The following ADAMTS2 variants were observed in gnomAD, a reference collection of about 807,000 sequenced individuals.
ADAMTS2 encodes ADAM metallopeptidase with thrombospondin type 1 motif 2.
ADAMTS2 carries 50 observed loss-of-function variants against 123.0 expected under a neutral mutation model. That is an observed-to-expected ratio of 0.41 (90% CI 0.32 to 0.51). ADAMTS2 has a LOEUF of 0.51. Ranked by LOEUF, ADAMTS2 falls within the 20% of genes least tolerant of loss-of-function variation. ADAMTS2 has a pLI of 0.35. For synonymous variants in ADAMTS2, 678 were observed against 695.4 expected (o/e 0.98, Z 0.39); for missense variants, 1,494 against 1,705.2 (o/e 0.88, Z 2.18).
At chr5:179,161,881 T>C (rs1480510039) in intron 5 of ADAMTS2, among the ~76,000 whole-genome samples, 3 of 152,174 alleles carry the variant, frequency 2.0e-5, no homozygotes, top group Non-Finnish European at 2.9e-5. Context: ...CTTTTTAACA[T>C]ACATTTTTTA....
At chr5:179,168,760 A>G (rs1763760750) in intron 5 of ADAMTS2, among the ~76,000 whole-genome samples, 1 of 152,114 alleles carries the variant, frequency 6.6e-6, no homozygotes, top group Admixed American at 6.6e-5. Flanking sequence ...CTGTGAGCAC[A>G]TGTTCTACCG....
chr5:179,286,106 C>T (rs539570127), intron 2 of ADAMTS2, among the ~76,000 whole-genome samples: 7 of 149,740 alleles, frequency 4.7e-5, no homozygotes, highest in East Asian at 2.0e-4. Context: ...CCCAGCTACT[C>T]GGGAGGCTGA....
intron 2 of ADAMTS2, among the ~76,000 whole-genome samples, chr5:179,289,590 G>A (rs1756129241): frequency 1.3e-5 from 2 of 152,044 alleles, no homozygotes; most frequent in Admixed American, 1.3e-4. Flanking sequence ...CATCGCAATG[G>A]GAAAAAAGAG....
chr5:179,207,169 T>C (rs567065192), intron 4 of ADAMTS2, among the ~76,000 whole-genome samples: 2 of 152,316 alleles, frequency 1.3e-5, no homozygotes, highest in African/African-American at 4.8e-5. Flanking sequence ...GATTTTAGTT[T>C]TAAAAGTGGC....
chr5:179,344,539 G>A (rs550013824), intron 1 of ADAMTS2, among the ~76,000 whole-genome samples: 1 of 152,228 alleles, frequency 6.6e-6, no homozygotes, highest in African/African-American at 2.4e-5. Flanking sequence ...GGAGCTGCTC[G>A]GAAGCCATTC....
chr5:179,134,850 G>A (rs1270116415), intron 13 of ADAMTS2, among the ~76,000 whole-genome samples: 22 of 63,470 alleles, frequency 3.5e-4, no homozygotes, highest in African/African-American at 8.2e-4. Context: ...CCAGCTCCCG[G>A]CTCCAGCTCC....
chr5:179,137,685 C>G lies in ADAMTS2; in HGVS notation c.1951+84G>C, dbSNP rs942854452. ...AGGGTCGCGGCAGCCTTGCCCCATG[C>G]AGGATCAGAGGCACAAGCCCCCACC... is the stretch of plus-strand genomic sequence containing the variant. On this transcript the variant is annotated intron_variant, in intron 12 of 21. Transcript: ENST00000251582. 83 of 1,511,994 alleles carry G rather than the reference C, an allele frequency of 5.5e-5. No individual in the cohort carries two copies. In the Admixed American group the frequency reaches 1.6e-3, roughly 29 times the overall value. 93.7% of individuals were successfully genotyped at this position (1,511,994 alleles called of 1,614,324 possible). A position where few individuals can be genotyped will look rare whatever the true frequency, so the allele number is the denominator to read the frequency against.
rs774623037 is a variant in ADAMTS2 at position 179,137,848 on chromosome 5, C to T, written c.1872G>A (p.Glu624=). The change falls in exon 12 of 22, where the codon GAG becomes GAA. Residue 624 remains glutamate, a synonymous_variant. Transcript: ENST00000251582. ...ACAGGTCCCACTGGCGGCACTGCTC[C>T]TCGCGGAAGTCAGCCAGGGAGTCGG... ...DCPDSLADFR[E]EQCRQWDLYF... The T allele has an allele frequency of 9.6e-6, 15 of 1,567,994 alleles. No homozygotes were observed. The African/African-American group carries it at 2.0e-4, about 21-fold the overall frequency.
chr5:179,154,111 C>T lies in ADAMTS2; in HGVS notation c.1320G>A (p.Gln440=). ...RLGSIMAPLV[Q]AAFHRFHWSR... The stretch of plus-strand genomic sequence containing the variant: ...ACCAGTGGAAGCGGTGGAAGGCGGC[C>T]TGCACCAGGGGCGCCATGATGCTGC... The change falls in exon 8 of 22, where the codon CAG becomes CAA. Residue 440 remains glutamine, a synonymous_variant. Coordinates refer to ENST00000251582, the MANE Select transcript of ADAMTS2 (RefSeq NM_014244.5). 1 of 1,599,874 alleles carries T rather than the reference C, an allele frequency of 6.3e-7. No individual in the cohort carries two copies. Among genetic ancestry groups the T allele is most frequent in the Non-Finnish European group, 8.5e-7 (1 of 1,177,312 alleles).
rs1208165700 is a variant in ADAMTS2 at position 179,338,716 on chromosome 5, G to T, written c.534+5051C>A. Among the ~76,000 whole-genome samples, 3 of 152,234 alleles carry T rather than the reference G, an allele frequency of 2.0e-5. No homozygotes were observed. The East Asian group carries it at 5.8e-4, about 29-fold the overall frequency. On this transcript the variant is annotated intron_variant, in intron 2 of 21. Coordinates refer to ENST00000251582, the MANE Select transcript of ADAMTS2 (RefSeq NM_014244.5). ...TTAAGAGCAGTAAGAACCACTGAGAGGTCTTAAGTGAAGGCGTGACATGAG... is the reference window on the plus strand; with the variant it reads ...TTAAGAGCAGTAAGAACCACTGAGATGTCTTAAGTGAAGGCGTGACATGAG...
At chr5:179,201,270 T>C (rs775715348) in intron 4 of ADAMTS2, among the ~76,000 whole-genome samples, 40 of 152,222 alleles carry the variant, frequency 2.6e-4, no homozygotes, top group Non-Finnish European at 5.1e-4. Flanking sequence ...GCACGAGCGA[T>C]AGATTCAACT....
Position 179,235,996 on chromosome 5 carries a change from G to T in ADAMTS2, c.689-28281C>A, listed in dbSNP as rs531961526. The stretch of plus-strand genomic sequence containing the variant: ...CTCCTGGTCTAGCTGCCACTAAACA[G>T]ATGAGAAGCTCCCTCCCATCCCAGC... On this transcript the variant is annotated intron_variant, in intron 3 of 21. Coordinates refer to ENST00000251582, the MANE Select transcript of ADAMTS2 (RefSeq NM_014244.5). 3.9e-5 allele frequency among the ~76,000 whole-genome samples: 6 copies of T among 152,340 alleles called. No individual in the cohort carries two copies. The South Asian group carries it at 1.0e-3, about 26-fold the overall frequency.
chr5:179,134,692 A>G (rs1389049259), intron 13 of ADAMTS2, among the ~76,000 whole-genome samples: 1 of 151,982 alleles, frequency 6.6e-6, no homozygotes, highest in African/African-American at 2.4e-5. Context: ...AAGTCACAGG[A>G]GCAAATGCAG....
chr5:179,220,895 C>T (rs546009316), intron 3 of ADAMTS2, among the ~76,000 whole-genome samples: 31 of 152,270 alleles, frequency 2.0e-4, no homozygotes, highest in South Asian at 1.0e-3. Flanking sequence ...CCAACACAAG[C>T]GGGAGGTCTC....
chr5:179,280,919 G>T (rs377379), intron 2 of ADAMTS2, among the ~76,000 whole-genome samples: 3,027 of 152,234 alleles, frequency 0.02, 101 homozygotes, highest in African/African-American at 0.066. Flanking sequence ...GTGCAGTGGC[G>T]CAACCTCAGC....
intron 21 of ADAMTS2, among the ~76,000 whole-genome samples, chr5:179,116,212 C>G (rs189125788): frequency 7.9e-5 from 12 of 152,106 alleles, no homozygotes; most frequent in African/African-American, 2.7e-4. Context: ...ATCCAGCTAT[C>G]CTGCTTCAGT....
chr5:179,311,390 G>T (rs953052527), intron 2 of ADAMTS2, among the ~76,000 whole-genome samples: 3 of 152,222 alleles, frequency 2.0e-5, no homozygotes, highest in African/African-American at 7.2e-5. Context: ...GTCAGACAGT[G>T]GTGAGCAGCA....
intron 3 of ADAMTS2, among the ~76,000 whole-genome samples, chr5:179,245,787 A>AAACAAAAC (rs1367952378): frequency 1.3e-5 from 1 of 76,126 alleles, no homozygotes; most frequent in Admixed American, 1.4e-4. Flanking sequence ...AAAAAAAAAA[A>AAACAAAAC]AAAAAAAACA....
At chr5:179,220,346 T>TG (rs1765098163) in intron 3 of ADAMTS2, among the ~76,000 whole-genome samples, 1 of 152,080 alleles carries the variant, frequency 6.6e-6, no homozygotes, top group Non-Finnish European at 1.5e-5. Context: ...GCTTGGCCAG[T>TG]GGCTCAGCAG....
Sources: gnomAD v4.1 joint callset for allele counts (sites outside exome capture counted in the v4.1 genomes callset) on GRCh38, gnomAD v4.1.1 for gene constraint, MANE v1.5 for transcripts, NCBI Gene and HGNC (gene_info 2026-07-23, HGNC 2026-07-21) for gene names.